Variants in PAPOLB observed in about 807,000 individuals in gnomAD.
PAPOLB encodes the protein PAP-beta.
In PAPOLB, 19 loss-of-function variants were observed where a neutral mutation model predicts 23.2. That is an observed-to-expected ratio of 0.82 (90% CI 0.57 to 1.20). The LOEUF is 1.20. Ranked by LOEUF, PAPOLB falls within the 50% of genes most tolerant of loss-of-function variation. The pLI is 0.00. For missense variants in PAPOLB, 822 were observed against 776.8 expected, an observed-to-expected ratio of 1.06 and a Z score of -0.69; for synonymous variants, 360 against 290.7, an observed-to-expected ratio of 1.24 and a Z score of -2.43.
rs977416282 is a variant in PAPOLB, at chr7:4,860,412, T to C, written c.1399A>G (p.Thr467Ala). 1.9e-6 allele frequency: 3 copies of C among 1,614,114 alleles called. No homozygotes were observed. The highest frequency in any genetic ancestry group is 1.7e-5 in the Admixed American group (1 of 60,032). Residue 467 changes from threonine (T) to alanine (A), a missense_variant, in exon 1 of 1, where the codon ACT (threonine) becomes GCT (alanine). Thr to Ala is a moderately conservative substitution (Grantham distance 58, BLOSUM62 0). This residue lies in a region of PAPOLB where 534 missense variants were observed against 502.8 expected (regional missense o/e 1.06). Coordinates refer to ENST00000404991, the MANE Select transcript of PAPOLB (RefSeq NM_020144.5). ...LTYDIQSFTD[T>A]VYRQAVNSKM... ...CTATTCACTGCTTGCCTATAAACAG[T>C]ATCTGTGAAAGACTGGATATCATAG...
At position 4,860,050 on chromosome 7, in the gene PAPOLB, C is replaced by G. The variant is rs376258488; in HGVS notation, c.1761G>C (p.Gly587=). ...GAGGAATACTTTCGTTTAATGCAAC[C>G]CCTGAACTTTCATTGGTATTCACCT... ...LQQVNTNESS[G]VALNESIPHA... Residue 587 remains glycine (G), a synonymous_variant, in exon 1 of 1, where the codon GGG becomes GGC. Coordinates refer to ENST00000404991, the MANE Select transcript of PAPOLB (RefSeq NM_020144.5). 1 of 1,613,992 alleles carries G rather than the reference C, an allele frequency of 6.2e-7. No individual in the cohort carries two copies. Among genetic ancestry groups the G allele is most frequent in the East Asian group, 2.2e-5 (1 of 44,884 alleles).
At position 4,859,957 on chromosome 7, in the gene PAPOLB, T is replaced by C; in HGVS notation, c.1854A>G (p.Thr618=). ...GAAGGTCTGGATGGCTTATGAGACA[T>C]GTTGAAGAAACAACTCTGGCGACCA... ...KAMVARVVSS[T]CLISHPDLQE... is the part of the protein sequence containing the mutation. The change falls in exon 1 of 1, where the codon ACA becomes ACG. Residue 618 remains threonine (T), a synonymous_variant. Transcript: ENST00000404991. The C allele has an allele frequency of 1.2e-6, 2 of 1,614,036 alleles. No homozygotes were observed. The highest frequency in any genetic ancestry group is 1.7e-6 in the Non-Finnish European group (2 of 1,179,874).
Position 4,860,509 on chromosome 7 carries a change from A to G in PAPOLB, c.1302T>C (p.Phe434=), listed in dbSNP as rs754693483. The G allele has an allele frequency of 6.2e-7, 1 of 1,614,160 alleles. No homozygotes were observed. Among genetic ancestry groups the G allele is most frequent in the South Asian group, 1.1e-5 (1 of 91,078 alleles). The change falls in exon 1 of 1, where the codon TTT becomes TTC. Residue 434 remains phenylalanine (F), a synonymous_variant. Transcript: ENST00000404991. ...CTAACCCAATCACCCACATTGTACGAAATTCTTCCATATCAGGATTTTCTT... is the reference window on the plus strand; with the variant it reads ...CTAACCCAATCACCCACATTGTACGGAATTCTTCCATATCAGGATTTTCTT... The part of the protein sequence containing the change: ...APKENPDMEE[F]RTMWVIGLGL...
In PAPOLB at chr7:4,857,794, A is replaced by G. The variant is rs1328648901; in HGVS notation, c.*2103T>C. 1 of 152,638 alleles carries G rather than the reference A, an allele frequency of 6.6e-6. No homozygotes were observed. The highest frequency in any genetic ancestry group is 1.5e-5 in the Non-Finnish European group (1 of 68,036). 9.5% of individuals were successfully genotyped at this position (152,638 alleles called of 1,614,324 possible). On this transcript the variant is annotated 3_prime_UTR_variant, in exon 1 of 1. Coordinates refer to ENST00000404991, the MANE Select transcript of PAPOLB (RefSeq NM_020144.5). ...ATGGAGAAATAAGTCATCTGTTTTC[A>G]AAACAGTGCTTGAATATACCAGGAG...
chr7:4,861,865 C>T lies in PAPOLB; in HGVS notation c.-55G>A, dbSNP rs975758619. The T allele has an allele frequency of 8.0e-7, 1 of 1,256,654 alleles. No individual in the cohort carries two copies. The highest frequency in any genetic ancestry group is 1.1e-6 in the Non-Finnish European group (1 of 951,076). 77.8% of individuals were successfully genotyped at this position (1,256,654 alleles called of 1,614,324 possible). ...CCCCCACCACCGCGACCTTCGCGGCCGCCGCCCGGGTCATGATCCGCTGAG... is the reference window on the plus strand; with the variant it reads ...CCCCCACCACCGCGACCTTCGCGGCTGCCGCCCGGGTCATGATCCGCTGAG... On this transcript the variant is annotated 5_prime_UTR_variant, in exon 1 of 1. Coordinates refer to ENST00000404991, the MANE Select transcript of PAPOLB (RefSeq NM_020144.5).
Position 4,861,258 on chromosome 7 carries a change from A to G in PAPOLB, c.553T>C (p.Leu185=). 6.2e-7 allele frequency: 1 copy of G among 1,614,152 alleles called. No individual in the cohort carries two copies. Among genetic ancestry groups the G allele is most frequent in the South Asian group, 1.1e-5 (1 of 91,076 alleles). ...ALQTIPEDLD[L]RDDSLLKNLD... ...TTTTTAAGTAGACTGTCATCTCTTAAGTCCAAATCTTCTGGAATAGTCTGT... is the reference window on the plus strand; with the variant it reads ...TTTTTAAGTAGACTGTCATCTCTTAGGTCCAAATCTTCTGGAATAGTCTGT... The change falls in exon 1 of 1, where the codon TTA becomes CTA. Residue 185 remains leucine, a synonymous_variant. Coordinates refer to ENST00000404991, the MANE Select transcript of PAPOLB (RefSeq NM_020144.5).
At position 4,860,974 on chromosome 7, in the gene PAPOLB, TTCTGAAAA is replaced by T; in HGVS notation, c.829_836del (p.Phe277MetfsTer13). 6.2e-7 allele frequency: 1 copy of T among 1,614,228 alleles called. No homozygotes were observed. On this transcript the variant is annotated frameshift_variant, in exon 1 of 1. Coordinates refer to ENST00000404991, the MANE Select transcript of PAPOLB (RefSeq NM_020144.5). LOFTEE classifies it high-confidence loss of function. ...GTAACACTGGGTTTGGCCATTCCCA[TTCTGAAAA>T]TACCAAGAAGAATTTCCGTACAAGA...
chr7:4,861,245 C>G lies in PAPOLB; in HGVS notation c.566G>C (p.Ser189Thr). 1 of 1,614,098 alleles carries G rather than the reference C, an allele frequency of 6.2e-7. No homozygotes were observed. Among genetic ancestry groups the G allele is most frequent in the South Asian group, 1.1e-5 (1 of 91,080 alleles). Residue 189 changes from serine (S) to threonine (T), a missense_variant, in exon 1 of 1, where the codon AGT becomes ACT. This residue lies in a region of PAPOLB where 276 missense variants were observed against 243.9 expected (regional missense o/e 1.13). Transcript: ENST00000404991. ...IPEDLDLRDD[S>T]LLKNLDIRCI... Reference sequence around the variant, plus strand: ...TCTAATGTCTAAATTTTTAAGTAGACTGTCATCTCTTAAGTCCAAATCTTC... The same window carrying G: ...TCTAATGTCTAAATTTTTAAGTAGAGTGTCATCTCTTAAGTCCAAATCTTC...
rs1172937837 is a variant in PAPOLB, at chr7:4,859,187, T to C, written c.*710A>G. On this transcript the variant is annotated 3_prime_UTR_variant, in exon 1 of 1. Coordinates refer to ENST00000404991, the MANE Select transcript of PAPOLB (RefSeq NM_020144.5). ...TGAAGTACAGTACACCGCTGCACAA[T>C]GGTATCCAATTTTAAGATTAATAGT... is the stretch of plus-strand genomic sequence containing the variant. 1 of 152,562 alleles carries C rather than the reference T, an allele frequency of 6.6e-6. No homozygotes were observed. Among genetic ancestry groups the C allele is most frequent in the African/African-American group, 2.4e-5 (1 of 41,464 alleles). The allele number at this position is 152,562 out of a possible 1,614,324, so 9.5% of individuals were successfully genotyped here.
Position 4,860,537 on chromosome 7 carries a change from G to A in PAPOLB, c.1274C>T (p.Pro425Leu). The change falls in exon 1 of 1, where the codon CCC becomes CTC. Residue 425 changes from proline to leucine, a missense_variant. Pro to Leu is a moderately conservative substitution (Grantham distance 98). Around this residue, in one of 3 missense-constraint regions of PAPOLB, gnomAD observed 534 missense variants for 502.8 expected, o/e 1.06. Transcript: ENST00000404991. ...TTCTTCCATATCAGGATTTTCTTTG[G>A]GTGCTGGAAATGACTGTGGATTCAC... Reference protein sequence around the residue: ...AHVNPQSFPAPKENPDMEEFR... With the variant: ...AHVNPQSFPALKENPDMEEFR... 2 of 1,614,112 alleles carry A rather than the reference G, an allele frequency of 1.2e-6. No homozygotes were observed. The highest frequency in any genetic ancestry group is 2.7e-5 in the African/African-American group (2 of 75,012).
rs528192180 is a variant in PAPOLB at position 4,860,130 on chromosome 7, C to G, written c.1681G>C (p.Ala561Pro). 344 of 1,613,952 alleles carry G rather than the reference C, an allele frequency of 2.1e-4. 4 individuals are homozygous for G. The South Asian group carries it at 2.7e-3, about 13-fold the overall frequency. The change falls in exon 1 of 1, where the codon GCT (alanine) becomes CCT (proline). Residue 561 changes from alanine to proline, a missense_variant. Coordinates refer to ENST00000404991, the MANE Select transcript of PAPOLB (RefSeq NM_020144.5). ...TTAGCCACAGATGCTGTCATTACAG[C>G]CAAGGCAGGACTGTTTCTACCCTGA... ...SSQGRNSPAL[A>P]VMTASVANIQ...
Position 4,861,834 on chromosome 7 carries a change from G to GCACCTCCCCCACCACCGCGACCTT in PAPOLB, c.-25_-24insAAGGTCGCGGTGGTGGGGGAGGTG. On this transcript the variant is annotated 5_prime_UTR_variant, in exon 1 of 1. Transcript: ENST00000404991. ...ATCTTTCAGCGCCCGCCCCGCCAGG[G>GCACCTCCCCCACCACCGCGACCTT]CACGTCCCCCACCACCGCGACCTTC... 1 of 1,268,418 alleles carries GCACCTCCCCCACCACCGCGACCTT rather than the reference G, an allele frequency of 7.9e-7. No homozygotes were observed. Among genetic ancestry groups the GCACCTCCCCCACCACCGCGACCTT allele is most frequent in the Non-Finnish European group, 1.0e-6 (1 of 972,358 alleles). 78.6% of individuals were successfully genotyped at this position (1,268,418 alleles called of 1,614,324 possible).
chr7:4,861,784 C>A lies in PAPOLB; in HGVS notation c.27G>T (p.Gln9His). The change falls in exon 1 of 1, where the codon CAG becomes CAT. Residue 9 changes from glutamine to histidine, a missense_variant. Around this residue, in one of 3 missense-constraint regions of PAPOLB, gnomAD observed 276 missense variants for 243.9 expected, o/e 1.13. Transcript: ENST00000404991. ...GCGGCGGCGCCGGCTGCGGTGGTCC[C>A]TGGGTTGTCACCGGAAACGGCATCA... The part of the protein sequence containing the change: MMPFPVTT[Q>H]GPPQPAPPPN... 1 of 1,475,266 alleles carries A rather than the reference C, an allele frequency of 6.8e-7. No individual in the cohort carries two copies. The highest frequency in any genetic ancestry group is 9.0e-7 in the Non-Finnish European group (1 of 1,115,552). The allele number at this position is 1,475,266 out of a possible 1,614,324, so 91.4% of individuals were successfully genotyped here.
In PAPOLB at chr7:4,861,343, T is replaced by C. The variant is rs369664008; in HGVS notation, c.468A>G (p.Pro156=). 197 of 1,613,894 alleles carry C rather than the reference T, an allele frequency of 1.2e-4. No individual in the cohort carries two copies. The highest frequency in any genetic ancestry group is 1.6e-4 in the Non-Finnish European group (187 of 1,179,864). Residue 156 remains proline (P), a synonymous_variant, in exon 1 of 1, where the codon CCA becomes CCG. Coordinates refer to ENST00000404991, the MANE Select transcript of PAPOLB (RefSeq NM_020144.5). ...DLRAVEEAFV[P]VIKLCFDGIE... ...TCCCATCAAAACACAGTTTGATAAC[T>C]GGCACAAATGCCTCCTCGACAGCCC...
rs375499234 is a variant in PAPOLB at position 4,859,886 on chromosome 7, C to T, written c.*11G>A. On this transcript the variant is annotated 3_prime_UTR_variant, in exon 1 of 1. Coordinates refer to ENST00000404991, the MANE Select transcript of PAPOLB (RefSeq NM_020144.5). ...CTTCTTTATGAGGCAAGAATATCCTCTAGACTCCAACTATAGGATTAGATA... is the reference window on the plus strand; with the variant it reads ...CTTCTTTATGAGGCAAGAATATCCTTTAGACTCCAACTATAGGATTAGATA... 519 of 1,551,592 alleles carry T rather than the reference C, an allele frequency of 3.3e-4. 3 individuals are homozygous for T. The South Asian group carries it at 5.6e-3, about 17-fold the overall frequency.
At position 4,860,989 on chromosome 7, in the gene PAPOLB, G is replaced by A. The variant is rs1361199625; in HGVS notation, c.822C>T (p.Phe274=). ...AVASTLVRKF[F]LVFSEWEWPN... is the part of the protein sequence containing the mutation. Reference sequence around the variant, plus strand: ...GCCATTCCCATTCTGAAAATACCAAGAAGAATTTCCGTACAAGAGTTGACG... The same window carrying A: ...GCCATTCCCATTCTGAAAATACCAAAAAGAATTTCCGTACAAGAGTTGACG... The change falls in exon 1 of 1, where the codon TTC becomes TTT. Residue 274 remains phenylalanine, a synonymous_variant. Transcript: ENST00000404991. 6.2e-7 allele frequency: 1 copy of A among 1,614,042 alleles called. No homozygotes were observed. The highest frequency in any genetic ancestry group is 1.3e-5 in the African/African-American group (1 of 74,924).
chr7:4,860,405 T>G lies in PAPOLB; in HGVS notation c.1406A>C (p.Tyr469Ser). The G allele has an allele frequency of 6.2e-7, 1 of 1,613,928 alleles. No individual in the cohort carries two copies. The highest frequency in any genetic ancestry group is 8.5e-7 in the Non-Finnish European group (1 of 1,179,768). ...YDIQSFTDTV[Y>S]RQAVNSKMFE... The stretch of plus-strand genomic sequence containing the variant: ...CATCTTACTATTCACTGCTTGCCTA[T>G]AAACAGTATCTGTGAAAGACTGGAT... Residue 469 changes from tyrosine to serine, a missense_variant, in exon 1 of 1, where the codon TAT becomes TCT. Physicochemically the swap from Tyr to Ser is moderately radical, Grantham distance 144. Around this residue, in one of 3 missense-constraint regions of PAPOLB, gnomAD observed 534 missense variants for 502.8 expected, o/e 1.06. Coordinates refer to ENST00000404991, the MANE Select transcript of PAPOLB (RefSeq NM_020144.5).
rs530008899 is a variant in PAPOLB at position 4,861,569 on chromosome 7, C to G, written c.242G>C (p.Ser81Thr). The G allele has an allele frequency of 1.9e-6, 3 of 1,613,828 alleles. No individual in the cohort carries two copies. Reference sequence around the variant, plus strand: ...AGACTGGGGAAGACTCTTGCTTTCACTGATTTCGCGTATCCATTCCTTTAC... The same window carrying G: ...AGACTGGGGAAGACTCTTGCTTTCAGTGATTTCGCGTATCCATTCCTTTAC... The part of the protein sequence containing the change: ...NLVKEWIREI[S>T]ESKSLPQSVI... The change falls in exon 1 of 1, where the codon AGT becomes ACT. Residue 81 changes from serine to threonine, a missense_variant. Coordinates refer to ENST00000404991, the MANE Select transcript of PAPOLB (RefSeq NM_020144.5).
chr7:4,860,719 T>G lies in PAPOLB; in HGVS notation c.1092A>C (p.Glu364Asp). ...TGTACTTTTGAAAGAAGCTTGGAGC[T>G]TCAAAGAGTTTGGACCACTCTGCCT... ...LSKAEWSKLF[E>D]APSFFQKYKH... Residue 364 changes from glutamate to aspartate, a missense_variant, in exon 1 of 1, where the codon GAA (glutamate) becomes GAC (aspartate). Physicochemically the swap from Glu to Asp is conservative, Grantham distance 45 (BLOSUM62 2). Coordinates refer to ENST00000404991, the MANE Select transcript of PAPOLB (RefSeq NM_020144.5). 1.2e-6 allele frequency: 2 copies of G among 1,614,160 alleles called. No homozygotes were observed. The highest frequency in any genetic ancestry group is 1.7e-6 in the Non-Finnish European group (2 of 1,179,996).
Sources: gnomAD v4.1 joint callset for allele counts on GRCh38, gnomAD v4.1.1 for gene constraint, gnomAD v4.1.1 regional missense constraint, MANE v1.5 for transcripts, NCBI Gene and HGNC (gene_info 2026-07-23, HGNC 2026-07-21) for gene names.